The following CRYGN variants were observed in gnomAD, a reference collection of about 807,000 sequenced individuals.
CRYGN encodes crystallin gamma N.
Under a neutral mutation model 19.2 loss-of-function variants are expected in CRYGN, and 17 were observed. That is an observed-to-expected ratio of 0.89 (90% CI 0.61 to 1.33). The LOEUF (loss-of-function observed/expected upper bound fraction) is 1.33. Ranked by LOEUF, CRYGN falls within the 40% of genes most tolerant of loss-of-function variation. The pLI, the probability that CRYGN is intolerant of heterozygous loss-of-function variation, is 0.00. For synonymous variants in CRYGN, 84 were observed against 85.8 expected, an observed-to-expected ratio of 0.98 and a Z score of 0.12; for missense variants, 239 against 239.6, an observed-to-expected ratio of 1.00 and a Z score of 0.02.
chr7:151,435,708 G>A lies in CRYGN; in HGVS notation c.416+472C>T, dbSNP rs1267815598. Among the ~76,000 whole-genome samples, 1 of 152,000 alleles carries A rather than the reference G, an allele frequency of 6.6e-6. No homozygotes were observed. The highest frequency in any genetic ancestry group is 1.9e-4 in the East Asian group (1 of 5,142). ...CAGGGGTCAGCTCTGCGGGGTAGGC[G>A]CGGGGGCAGGGTGGGCTGGTCCACC... is the stretch of plus-strand genomic sequence containing the variant. On this transcript the variant is annotated intron_variant, in intron 3 of 3. Coordinates refer to ENST00000337323, the MANE Select transcript of CRYGN (RefSeq NM_144727.3). The surrounding 1 kb of genome is among the most constrained non-coding windows in gnomAD (Gnocchi z 4.2).
rs2150904874 is a variant in CRYGN, at chr7:151,430,300, A to G, written c.417-120T>C. 1 of 958,868 alleles carries G rather than the reference A, an allele frequency of 1.0e-6. No homozygotes were observed. The highest frequency in any genetic ancestry group is 1.6e-6 in the Non-Finnish European group (1 of 642,666). 59.4% of individuals were successfully genotyped at this position (958,868 alleles called of 1,614,324 possible). On this transcript the variant is annotated intron_variant, in intron 3 of 3. Coordinates refer to ENST00000337323, the MANE Select transcript of CRYGN (RefSeq NM_144727.3). The surrounding 1 kb of genome is among the most constrained non-coding windows in gnomAD (Gnocchi z 5.2). ...CCTTCCCCTTTCCTGGGCGGAGTGG[A>G]CGGTTGCCTAGTGGTTTCATGTCTT...
rs1158420538 is a variant in CRYGN, at chr7:151,438,025, G to A, written c.241C>T (p.His81Tyr). The change falls in exon 2 of 4, where the codon CAC (histidine) becomes TAC (tyrosine). Residue 81 changes from histidine to tyrosine, a missense_variant. Physicochemically the swap from His to Tyr is moderately conservative, Grantham distance 83. Transcript: ENST00000337323. ...CCTACAGGCCGACAGGAGCCCATGT[G>A]GTCACTGTGGCTGTTCCAGCGGAAG... ...DFFRWNSHSD[H>Y]MGSCRPVGMH... The A allele has an allele frequency of 6.2e-7, 1 of 1,613,846 alleles. No individual in the cohort carries two copies. The highest frequency in any genetic ancestry group is 1.1e-5 in the South Asian group (1 of 91,084).
At position 151,436,644 on chromosome 7, in the gene CRYGN, G is replaced by A. The variant is rs982519317; in HGVS notation, c.271-319C>T. On this transcript the variant is annotated intron_variant, in intron 2 of 3. Transcript: ENST00000337323. This position sits in a 1 kb window ranked among gnomAD's most constrained non-coding sequence, Gnocchi z 5.1. The stretch of plus-strand genomic sequence containing the variant: ...ACACTCAGACCAGGGCTGGGGTCAC[G>A]GGGCTCCCTCTGGGTGCTCAGCGTG... 1.3e-5 allele frequency among the ~76,000 whole-genome samples: 2 copies of A among 152,162 alleles called. No homozygotes were observed. The highest frequency in any genetic ancestry group is 2.9e-5 in the Non-Finnish European group (2 of 68,032).
chr7:151,436,028 G>A lies in CRYGN; in HGVS notation c.416+152C>T. The A allele has an allele frequency of 2.0e-6, 1 of 508,388 alleles. No homozygotes were observed. The highest frequency in any genetic ancestry group is 3.1e-6 in the Non-Finnish European group (1 of 324,926). The allele number at this position is 508,388 out of a possible 1,614,324, so 31.5% of individuals were successfully genotyped here. A position where few individuals can be genotyped will look rare whatever the true frequency, so the allele number is the denominator to read the frequency against. ...GGGGCAGGTGAGGCAGCTGAGGAAA[G>A]GAGAGGGCCTGTGGGGCCAGGGACA... On this transcript the variant is annotated intron_variant, in intron 3 of 3. Coordinates refer to ENST00000337323, the MANE Select transcript of CRYGN (RefSeq NM_144727.3). This position sits in a 1 kb window ranked among gnomAD's most constrained non-coding sequence, Gnocchi z 5.1.
rs1801413143 is a variant in CRYGN, at chr7:151,429,221, T to C, written c.*827A>G. On this transcript the variant is annotated 3_prime_UTR_variant, in exon 4 of 4. Transcript: ENST00000337323. ...CAGTGGCTTCTCCAATGTCACATCC[T>C]AGTGAGGGATGGAGTGGGAATCAGG... is the stretch of plus-strand genomic sequence containing the variant. The C allele has an allele frequency of 1.3e-5, 2 of 152,308 alleles. No homozygotes were observed. The highest frequency in any genetic ancestry group is 2.9e-5 in the Non-Finnish European group (2 of 68,092). 9.4% of individuals were successfully genotyped at this position (152,308 alleles called of 1,614,324 possible). A position where few individuals can be genotyped will look rare whatever the true frequency, so the allele number is the denominator to read the frequency against.
Position 151,440,033 on chromosome 7 carries a change from G to A in CRYGN, c.-116C>T, listed in dbSNP as rs1801724293. 1 of 1,381,130 alleles carries A rather than the reference G, an allele frequency of 7.2e-7. No homozygotes were observed. Among genetic ancestry groups the A allele is most frequent in the African/African-American group, 1.5e-5 (1 of 66,714 alleles). The allele number at this position is 1,381,130 out of a possible 1,614,324, so 85.6% of individuals were successfully genotyped here. On this transcript the variant is annotated 5_prime_UTR_variant, in exon 1 of 4. Transcript: ENST00000337323. Reference sequence around the variant, plus strand: ...GGCCCCGGAGCGTTAGTGCTGTCGGGCGTGCTAAGCCCGAGGGGCCACCAG... The same window carrying A: ...GGCCCCGGAGCGTTAGTGCTGTCGGACGTGCTAAGCCCGAGGGGCCACCAG...
chr7:151,437,838 C>T, intron 2 of CRYGN, 158 bp downstream of exon 2: 1 of 1,502,284 alleles, frequency 6.7e-7, no homozygotes, highest in East Asian at 2.4e-5. Context: ...CACCTACTCA[C>T]CTCATGCCAG....
upstream of CRYGN, chr7:151,440,772 G>A (rs866681316): frequency 6.5e-6 from 1 of 153,158 alleles, no homozygotes; most frequent in African/African-American, 2.4e-5. Context: ...CCACCGCGGA[G>A]GGAGAGTTCC....
In CRYGN at chr7:151,435,897, C is replaced by T. The variant is rs1025518980; in HGVS notation, c.416+283G>A. Among the ~76,000 whole-genome samples, 2 of 152,168 alleles carry T rather than the reference C, an allele frequency of 1.3e-5. No homozygotes were observed. Among genetic ancestry groups the T allele is most frequent in the African/African-American group, 4.8e-5 (2 of 41,440 alleles). On this transcript the variant is annotated intron_variant, in intron 3 of 3. Coordinates refer to ENST00000337323, the MANE Select transcript of CRYGN (RefSeq NM_144727.3). This position sits in a 1 kb window ranked among gnomAD's most constrained non-coding sequence, Gnocchi z 4.2. Reference sequence around the variant, plus strand: ...CTTTCAAGGTACTCTCCTACCTCTGCTCCTGGACTGAGGCCCTAGAGGGAA... The same window carrying T: ...CTTTCAAGGTACTCTCCTACCTCTGTTCCTGGACTGAGGCCCTAGAGGGAA...
intron 3 of CRYGN, among the ~76,000 whole-genome samples, chr7:151,434,480 C>T (rs965649949): frequency 1.3e-5 from 2 of 152,186 alleles, no homozygotes; most frequent in Non-Finnish European, 2.9e-5. Context: ...AATGCAATTT[C>T]GTAAAACGGA....
chr7:151,440,048 G>A lies in CRYGN; in HGVS notation c.-131C>T, dbSNP rs1311192153. 4.4e-6 allele frequency: 6 copies of A among 1,351,386 alleles called. No homozygotes were observed. The highest frequency in any genetic ancestry group is 5.7e-6 in the Non-Finnish European group (6 of 1,053,958). 83.7% of individuals were successfully genotyped at this position (1,351,386 alleles called of 1,614,324 possible). A position where few individuals can be genotyped will look rare whatever the true frequency, so the allele number is the denominator to read the frequency against. On this transcript the variant is annotated 5_prime_UTR_variant, in exon 1 of 4. Coordinates refer to ENST00000337323, the MANE Select transcript of CRYGN (RefSeq NM_144727.3). ...GTGCTGTCGGGCGTGCTAAGCCCGA[G>A]GGGCCACCAGGCGGTTGGGACCCGC...
chr7:151,439,786 GCTTCC>G, intron 1 of CRYGN, 106 bp downstream of exon 1: 1 of 1,194,842 alleles, frequency 8.4e-7, no homozygotes, highest in Non-Finnish European at 1.1e-6. Context: ...AATTAAACCA[GCTTCC>G]CTTGGATTTG....
intron 1 of CRYGN, chr7:151,439,170 G>C (rs1473156573): frequency 1.3e-5 from 2 of 152,246 alleles, no homozygotes; most frequent in Non-Finnish European, 2.9e-5. Flanking sequence ...TTGGAGTCAG[G>C]CGTGGCCACA....
chr7:151,429,425 A>ATT lies in CRYGN; in HGVS notation c.*621_*622dup, dbSNP rs1222167331. The stretch of plus-strand genomic sequence containing the variant: ...TGGTACAGCAGACATGATTGCACTC[A>ATT]TTTCACAGAACAGGGTCTGAGGCCT... On this transcript the variant is annotated 3_prime_UTR_variant, in exon 4 of 4. Coordinates refer to ENST00000337323, the MANE Select transcript of CRYGN (RefSeq NM_144727.3). The ATT allele has an allele frequency of 6.3e-6, 1 of 159,784 alleles. No homozygotes were observed. The highest frequency in any genetic ancestry group is 5.8e-5 in the Admixed American group (1 of 17,314). The allele number at this position is 159,784 out of a possible 1,614,324, so 9.9% of individuals were successfully genotyped here. A position where few individuals can be genotyped will look rare whatever the true frequency, so the allele number is the denominator to read the frequency against.
chr7:151,432,635 C>T (rs1801499010), intron 3 of CRYGN, among the ~76,000 whole-genome samples: 1 of 152,214 alleles, frequency 6.6e-6, no homozygotes, highest in Non-Finnish European at 1.5e-5. Flanking sequence ...GAAACCCCGT[C>T]TCTACTAAAA....
At chr7:151,432,009 C>T (rs544904177) in intron 3 of CRYGN, 92 of 400,766 alleles carry the variant, frequency 2.3e-4, no homozygotes, top group African/African-American at 1.6e-3. Context: ...GGCTGGGATG[C>T]CCACTGCCGA....
rs1415478050 is a variant in CRYGN at position 151,433,020 on chromosome 7, C to G, written c.417-2840G>C. Among the ~76,000 whole-genome samples, 1 of 152,248 alleles carries G rather than the reference C, an allele frequency of 6.6e-6. No homozygotes were observed. Among genetic ancestry groups the G allele is most frequent in the African/African-American group, 2.4e-5 (1 of 41,462 alleles). ...CCCTCCTGCCCTCACGGGGCCTCCC[C>G]TGCAGAGGAAATGGGCTGTGGGGGT... is the stretch of plus-strand genomic sequence containing the variant. On this transcript the variant is annotated intron_variant, in intron 3 of 3. Coordinates refer to ENST00000337323, the MANE Select transcript of CRYGN (RefSeq NM_144727.3). This position sits in a 1 kb window ranked among gnomAD's most constrained non-coding sequence, Gnocchi z 5.1.
Position 151,430,735 on chromosome 7 carries a change from G to A in CRYGN, c.417-555C>T, listed in dbSNP as rs1442297962. 6.6e-6 allele frequency among the ~76,000 whole-genome samples: 1 copy of A among 152,182 alleles called. No individual in the cohort carries two copies. Among genetic ancestry groups the A allele is most frequent in the Non-Finnish European group, 1.5e-5 (1 of 68,024 alleles). On this transcript the variant is annotated intron_variant, in intron 3 of 3. Transcript: ENST00000337323. The surrounding 1 kb of genome is among the most constrained non-coding windows in gnomAD (Gnocchi z 5.2). Reference sequence around the variant, plus strand: ...CTGAGCTGGGCGACCAGCCTAGAGGGGCTGATCCCCAGTCCAAACCCCTCC... The same window carrying A: ...CTGAGCTGGGCGACCAGCCTAGAGGAGCTGATCCCCAGTCCAAACCCCTCC...
At chr7:151,440,601 T>C, upstream of CRYGN, 1 of 153,854 alleles carries the variant, frequency 6.5e-6, no homozygotes, top group Non-Finnish European at 1.4e-5. Context: ...TCCCTGGCAC[T>C]CTCCCTCCCT....
Sources: allele counts gnomAD v4.1 joint callset (sites outside exome capture counted in the v4.1 genomes callset), GRCh38; gene constraint gnomAD v4.1.1; non-coding constraint Gnocchi (gnomAD v3.1); transcripts MANE v1.5; gene names NCBI Gene and HGNC (gene_info 2026-07-23, HGNC 2026-07-21).